The following CDR2L variants were observed in gnomAD, a reference collection of about 807,000 sequenced individuals.
CDR2L encodes the protein cerebellar degeneration-related protein 2-like.
In CDR2L, 19 loss-of-function variants were observed where a neutral mutation model predicts 36.1. That is an observed-to-expected ratio of 0.53 (90% CI 0.37 to 0.77). CDR2L has a LOEUF of 0.77. CDR2L is among the 30% of genes least tolerant of loss of function. CDR2L has a pLI of 0.00. For missense variants in CDR2L, 575 were observed against 627.2 expected (o/e 0.92, Z 0.89); for synonymous variants, 285 against 280.4 (o/e 1.02, Z -0.16).
intron 2 of CDR2L, among the ~76,000 whole-genome samples, chr17:75,000,696 C>T (rs12939461): frequency 0.32 from 47,887 of 147,632 alleles, 8,169 homozygotes; most frequent in Admixed American, 0.43. Context: ...GGGCAGATCA[C>T]GAGGTCAGGA....
rs1295780192 is a variant in CDR2L, at chr17:75,002,902, G to A, written c.507-281G>A. On this transcript the variant is annotated intron_variant, in intron 4 of 4. Coordinates refer to ENST00000337231, the MANE Select transcript of CDR2L (RefSeq NM_014603.3). The surrounding 1 kb of genome is among the most constrained non-coding windows in gnomAD (Gnocchi z 4.1). ...AAAGAAGACACACCCCACGGCCTCT[G>A]CTCCCCCCTCGGACCTCTAGCCAGT... is the stretch of plus-strand genomic sequence containing the variant. Among the ~76,000 whole-genome samples, 2 of 152,160 alleles carry A rather than the reference G, an allele frequency of 1.3e-5. No individual in the cohort carries two copies. The highest frequency in any genetic ancestry group is 2.4e-5 in the African/African-American group (1 of 41,434).
chr17:75,002,261 T>C lies in CDR2L; in HGVS notation c.506+33T>C. ...AGAGCACTGCTTGGTGTCTCTGGGA[T>C]TGCCAGCCATGGGAGGAAGGAGAGG... On this transcript the variant is annotated intron_variant, in intron 4 of 4. Transcript: ENST00000337231. The surrounding 1 kb of genome is among the most constrained non-coding windows in gnomAD (Gnocchi z 4.1). The C allele has an allele frequency of 1.3e-6, 2 of 1,581,542 alleles. No individual in the cohort carries two copies. Among genetic ancestry groups the C allele is most frequent in the Non-Finnish European group, 1.7e-6 (2 of 1,164,472 alleles).
chr17:74,997,723 C>CA (rs1170618434), intron 1 of CDR2L, among the ~76,000 whole-genome samples: 1 of 151,466 alleles, frequency 6.6e-6, no homozygotes, highest in African/African-American at 2.4e-5. Context: ...CCTGTCTCTA[C>CA]AAAAAAAATT....
chr17:74,993,075 GA>G (rs35671132), intron 1 of CDR2L, among the ~76,000 whole-genome samples: 2 of 152,154 alleles, frequency 1.3e-5, no homozygotes, highest in African/African-American at 4.8e-5. Flanking sequence ...TTCCAAGGGG[GA>G]AAACATTTAG....
At chr17:75,003,072 G>C in intron 4 of CDR2L, 111 bp from the exon 5 acceptor site, 1 of 1,145,482 alleles carries the variant, frequency 8.7e-7, no homozygotes, top group Non-Finnish European at 1.2e-6. Context: ...TTTCAGCCCA[G>C]AGAACAAGAG....
At chr17:74,999,325 C>CACAAA (rs368672422) in intron 1 of CDR2L, among the ~76,000 whole-genome samples, 179 bp from the exon 2 acceptor site, 2 of 150,976 alleles carry the variant, frequency 1.3e-5, no homozygotes, top group East Asian at 4.0e-4. Flanking sequence ...CAGACACACA[C>CACAAA]AAAAAGAACA....
At chr17:74,991,425 A>G (rs2039796086) in intron 1 of CDR2L, among the ~76,000 whole-genome samples, 1 of 126,696 alleles carries the variant, frequency 7.9e-6, no homozygotes, top group Non-Finnish European at 1.6e-5. Flanking sequence ...AAAAAAAAAA[A>G]GCCTAGAAAG....
intron 1 of CDR2L, among the ~76,000 whole-genome samples, chr17:74,998,355 C>T (rs2039843562): frequency 8.1e-6 from 1 of 122,978 alleles, no homozygotes. Context: ...CCCAGGCAGC[C>T]GTATTGCACC....
intron 1 of CDR2L, among the ~76,000 whole-genome samples, chr17:74,998,633 G>A (rs1317640708): frequency 6.6e-6 from 1 of 152,196 alleles, no homozygotes; most frequent in Non-Finnish European, 1.5e-5. Context: ...GAAAGATGAA[G>A]CGGGGGAGAG....
intron 1 of CDR2L, among the ~76,000 whole-genome samples, chr17:74,990,127 G>T (rs1194225021): frequency 1.3e-5 from 2 of 152,240 alleles, no homozygotes; most frequent in African/African-American, 4.8e-5. Context: ...AATGGGAAAG[G>T]AGCCAGGGCA....
intron 1 of CDR2L, among the ~76,000 whole-genome samples, chr17:74,995,930 G>C (rs185408596): frequency 3.3e-5 from 5 of 151,474 alleles, no homozygotes; most frequent in African/African-American, 4.9e-5. Context: ...CTGCTCTAAC[G>C]ACCTCTTTGA....
intron 1 of CDR2L, among the ~76,000 whole-genome samples, chr17:74,990,760 G>A (rs1287459579): frequency 1.3e-5 from 2 of 152,248 alleles, no homozygotes; most frequent in African/African-American, 2.4e-5. Flanking sequence ...TGCCCCAGGG[G>A]CCAGGCATGG....
In CDR2L at chr17:75,004,287, A is replaced by G; in HGVS notation, c.*213A>G. The G allele has an allele frequency of 1.8e-6, 1 of 543,518 alleles. No homozygotes were observed. Among genetic ancestry groups the G allele is most frequent in the Non-Finnish European group, 3.3e-6 (1 of 306,316 alleles). 33.7% of individuals were successfully genotyped at this position (543,518 alleles called of 1,614,324 possible). ...CCCTTGGCCACCTCGCGCCAGCCCA[A>G]AGGCGCAGCTCTGAGTTCAAAGCCA... is the stretch of plus-strand genomic sequence containing the variant. On this transcript the variant is annotated 3_prime_UTR_variant, in exon 5 of 5. Transcript: ENST00000337231.
chr17:75,003,481 G>A lies in CDR2L; in HGVS notation c.805G>A (p.Asp269Asn), dbSNP rs1196121408. 2 of 1,564,750 alleles carry A rather than the reference G, an allele frequency of 1.3e-6. No homozygotes were observed. The highest frequency in any genetic ancestry group is 1.7e-6 in the Non-Finnish European group (2 of 1,155,596). The change falls in exon 5 of 5, where the codon GAC becomes AAC. Residue 269 changes from aspartate (D) to asparagine (N), a missense_variant. By Grantham distance (23) the Asp-to-Asn change is conservative. Transcript: ENST00000337231. Reference sequence around the variant, plus strand: ...CAAGACCTACCTACTGGGTCCGGACGACCACCTGGCCGAGGCCCTGCTCGC... The same window carrying A: ...CAAGACCTACCTACTGGGTCCGGACAACCACCTGGCCGAGGCCCTGCTCGC... ...QAKTYLLGPD[D>N]HLAEALLAPL...
chr17:74,991,645 A>C (rs913592228), intron 1 of CDR2L, among the ~76,000 whole-genome samples: 3 of 152,016 alleles, frequency 2.0e-5, no homozygotes, highest in African/African-American at 7.3e-5. Flanking sequence ...TGAACCCGGG[A>C]GGCAGAGCTT....
chr17:74,995,777 A>T (rs1038871421), intron 1 of CDR2L, among the ~76,000 whole-genome samples: 2 of 152,224 alleles, frequency 1.3e-5, no homozygotes, highest in Admixed American at 1.3e-4. Flanking sequence ...TGCTGGGATT[A>T]TAGGCATGAG....
In CDR2L at chr17:75,001,192, C is replaced by T. The variant is rs111485617; in HGVS notation, c.193-149C>T. The T allele has an allele frequency of 9.4e-3, 7,254 of 769,134 alleles. 395 individuals carry two copies. In the African/African-American group the frequency reaches 0.11, roughly 12 times the overall value. The allele number at this position is 769,134 out of a possible 1,614,324, so 47.6% of individuals were successfully genotyped here. ...GAGGTTGCAGTAAGCCGAAATCATG[C>T]CACTGCACTTCAGCCTGGGCAACAC... is the stretch of plus-strand genomic sequence containing the variant. On this transcript the variant is annotated intron_variant, in intron 2 of 4. Transcript: ENST00000337231.
At chr17:74,993,281 T>C (rs1337921875) in intron 1 of CDR2L, among the ~76,000 whole-genome samples, 5 of 151,110 alleles carry the variant, frequency 3.3e-5, no homozygotes, top group African/African-American at 1.2e-4. Context: ...TGTAGTTCAA[T>C]CTTTTTTTTT....
At chr17:74,995,072 A>G (rs992604110) in intron 1 of CDR2L, among the ~76,000 whole-genome samples, 11 of 150,666 alleles carry the variant, frequency 7.3e-5, no homozygotes, top group African/African-American at 2.7e-4. Flanking sequence ...TCAGTCTCAA[A>G]AAAAAAAAAA....
Sources: allele counts gnomAD v4.1 joint callset (sites outside exome capture counted in the v4.1 genomes callset), GRCh38; gene constraint gnomAD v4.1.1; non-coding constraint Gnocchi (gnomAD v3.1); transcripts MANE v1.5; gene names NCBI Gene and HGNC (gene_info 2026-07-23, HGNC 2026-07-21).